The following EYS variants were observed in gnomAD, a reference collection of about 807,000 sequenced individuals.
EYS encodes the protein EGF-like photoreceptor maintenance factor, also known as protein eyes shut homolog.
A neutral mutation model predicts 282.1 loss-of-function variants in EYS; 250 were observed. The ratio of observed to expected loss-of-function variants is 0.89; its 90% CI spans 0.80 to 0.98. EYS has a LOEUF of 0.98. Among genes scored for constraint, EYS ranks in the 50% least tolerant of loss-of-function variants. The pLI is 0.00. For missense variants in EYS, 4,016 were observed against 3,709.0 expected, an observed-to-expected ratio of 1.08 and a Z score of -2.15; for synonymous variants, 1,355 against 1,282.9, an observed-to-expected ratio of 1.06 and a Z score of -1.20.
chr6:64,684,275 A>T (rs532362888), intron 22 of EYS, among the ~76,000 whole-genome samples: 1 of 152,332 alleles, frequency 6.6e-6, no homozygotes, highest in South Asian at 2.1e-4. Flanking sequence ...CAACAACAGA[A>T]ATATAAAACC....
At chr6:63,808,860 A>T (rs1770970169) in intron 36 of EYS, among the ~76,000 whole-genome samples, 1 of 152,184 alleles carries the variant, frequency 6.6e-6, no homozygotes, top group Non-Finnish European at 1.5e-5. Context: ...TATTAATAAC[A>T]TTCCCATATC....
intron 5 of EYS, among the ~76,000 whole-genome samples, chr6:65,407,016 T>C (rs76905831): frequency 1.8e-4 from 28 of 152,252 alleles, no homozygotes; most frequent in Admixed American, 9.8e-4. Flanking sequence ...GCTGGAATAT[T>C]ATAGGAATTT....
intron 15 of EYS, among the ~76,000 whole-genome samples, chr6:64,927,368 G>T (rs944770849): frequency 2.0e-5 from 3 of 152,058 alleles, no homozygotes; most frequent in African/African-American, 7.2e-5. Context: ...TACAAGAAAA[G>T]AAATATCCCT....
intron 11 of EYS, chr6:65,331,465 A>G (rs1340800972): frequency 1.2e-6 from 1 of 862,948 alleles, no homozygotes; most frequent in Non-Finnish European, 1.4e-6. Context: ...ACTGATATAG[A>G]GAAACTTAAT....
chr6:65,657,449 A>G (rs1172316525), intron 1 of EYS, among the ~76,000 whole-genome samples: 2 of 151,900 alleles, frequency 1.3e-5, no homozygotes, highest in Non-Finnish European at 2.9e-5. Flanking sequence ...GAAAAAGTTG[A>G]TTCCAAATCT....
chr6:65,023,051 T>C (rs577527690), intron 13 of EYS, among the ~76,000 whole-genome samples: 1 of 152,218 alleles, frequency 6.6e-6, no homozygotes, highest in African/African-American at 2.4e-5. Context: ...GCTTTTATTT[T>C]GGTGGTGGTG....
chr6:65,463,447 T>G (rs1448359711), intron 5 of EYS, among the ~76,000 whole-genome samples: 1 of 152,180 alleles, frequency 6.6e-6, no homozygotes, highest in African/African-American at 2.4e-5. Context: ...CATATTGTTT[T>G]ACTGTTTTCT....
intron 11 of EYS, 196 bp downstream of exon 11, chr6:65,334,784 C>T: frequency 1.8e-6 from 1 of 547,826 alleles, no homozygotes; most frequent in Admixed American, 3.2e-5. Context: ...TTTTATTGTG[C>T]TAGAATTGTT....
At chr6:64,602,676 A>G (rs1028203212) in intron 24 of EYS, among the ~76,000 whole-genome samples, 4 of 152,086 alleles carry the variant, frequency 2.6e-5, no homozygotes, top group Non-Finnish European at 5.9e-5. Flanking sequence ...AAAATTTAGC[A>G]ATTTGAAAAC....
chr6:64,288,130 T>C (rs1768563081), intron 30 of EYS, among the ~76,000 whole-genome samples: 1 of 152,166 alleles, frequency 6.6e-6, no homozygotes, highest in Non-Finnish European at 1.5e-5. Context: ...TTGACAACTG[T>C]AAAAAGAAGT....
At chr6:65,433,133 T>C (rs1465206422) in intron 5 of EYS, among the ~76,000 whole-genome samples, 2 of 152,098 alleles carry the variant, frequency 1.3e-5, no homozygotes, top group African/African-American at 4.8e-5. Context: ...ATAGGAAAAG[T>C]CTATTGAGCC....
intron 33 of EYS, among the ~76,000 whole-genome samples, chr6:64,000,867 G>A (rs928475898): frequency 1.3e-5 from 2 of 152,030 alleles, no homozygotes; most frequent in African/African-American, 4.8e-5. Context: ...TTGAATTCTG[G>A]CCAGGCGCGG....
At chr6:65,645,742 G>C (rs1038147766) in intron 1 of EYS, among the ~76,000 whole-genome samples, 5 of 151,954 alleles carry the variant, frequency 3.3e-5, no homozygotes, top group Admixed American at 3.3e-4. Context: ...CAAAAAGCTA[G>C]TTATTTGAAA....
In EYS at chr6:63,721,287, G is replaced by A. The variant is rs776842698; in HGVS notation, c.8744C>T (p.Ser2915Phe). ...WAGNTCNQSV[S>F]CLNNLCLHQS... ...GTGGAGGCAAAGATTATTCAAACAG[G>A]ACACAGACTGGTTACATGTATTTCC... Residue 2915 changes from serine to phenylalanine, a missense_variant, in exon 43 of 43, where the codon TCC becomes TTC. Ser to Phe is a radical substitution (Grantham distance 155, BLOSUM62 -2). Transcript: ENST00000503581. 6.4e-7 allele frequency: 1 copy of A among 1,551,936 alleles called. No individual in the cohort carries two copies. The highest frequency in any genetic ancestry group is 8.7e-7 in the Non-Finnish European group (1 of 1,147,012).
Position 65,305,184 on chromosome 6 carries a change from GA to G in EYS, c.1767-9066del, listed in dbSNP as rs1454157321. On this transcript the variant is annotated intron_variant, in intron 11 of 42. Transcript: ENST00000503581. ...GATGCCATTGTTTATCATCTTTTGA[GA>G]AAAAAGTTCTGTCATACCCTTCTCT... 1.4e-4 allele frequency among the ~76,000 whole-genome samples: 21 copies of G among 151,368 alleles called. No homozygotes were observed. The East Asian group carries it at 3.9e-3, about 28-fold the overall frequency.
chr6:65,148,333 C>G (rs1040961024), intron 12 of EYS, among the ~76,000 whole-genome samples: 1 of 152,062 alleles, frequency 6.6e-6, no homozygotes, highest in South Asian at 2.1e-4. Context: ...ATGGGAGAAA[C>G]TAGCCAAAAC....
At chr6:63,748,568 C>G (rs1035307166) in intron 41 of EYS, among the ~76,000 whole-genome samples, 1 of 152,096 alleles carries the variant, frequency 6.6e-6, no homozygotes, top group African/African-American at 2.4e-5. Context: ...ACGGTATCAG[C>G]TCTTCTTTGT....
At chr6:65,541,391 C>T (rs553225581) in intron 2 of EYS, among the ~76,000 whole-genome samples, 1 of 113,112 alleles carries the variant, frequency 8.8e-6, no homozygotes, top group South Asian at 3.2e-4. Flanking sequence ...CAATATTTGG[C>T]CATTATGTAA....
intron 15 of EYS, among the ~76,000 whole-genome samples, chr6:64,919,670 G>T (rs1365729849): frequency 1.3e-5 from 2 of 151,754 alleles, no homozygotes; most frequent in African/African-American, 4.8e-5. Flanking sequence ...GAACTGTATG[G>T]ATAATTCCTT....
Sources: allele counts gnomAD v4.1 joint callset (sites outside exome capture counted in the v4.1 genomes callset), GRCh38; gene constraint gnomAD v4.1.1; transcripts MANE v1.5; gene names NCBI Gene and HGNC (gene_info 2026-07-23, HGNC 2026-07-21).